The following DPP10 variants were observed in gnomAD, a reference collection of about 807,000 sequenced individuals.
The protein encoded by DPP10 is dipeptidyl peptidase like 10, also known as inactive dipeptidyl peptidase 10.
Under a neutral mutation model 120.9 loss-of-function variants are expected in DPP10, and 33 were observed. The ratio of observed to expected loss-of-function variants is 0.27; its 90% CI spans 0.21 to 0.37. DPP10 has a LOEUF of 0.37. DPP10 is among the 10% of genes least tolerant of loss of function. The probability of loss-of-function intolerance (pLI) is 1.00; values close to 1 mark genes in which losing one functional copy is unlikely to be tolerated. For missense variants in DPP10, 816 were observed against 942.8 expected, an observed-to-expected ratio of 0.87 and a Z score of 1.76; for synonymous variants, 337 against 326.1, an observed-to-expected ratio of 1.03 and a Z score of -0.36.
chr2:114,864,363 C>G (rs1690057099), intron 1 of DPP10, among the ~76,000 whole-genome samples: 1 of 152,164 alleles, frequency 6.6e-6, no homozygotes, highest in Admixed American at 6.5e-5. Flanking sequence ...GTCAGTCTTA[C>G]AACCCTGAAG....
intron 1 of DPP10, among the ~76,000 whole-genome samples, chr2:114,970,989 T>G (rs1574602925): frequency 1.3e-5 from 2 of 152,210 alleles, no homozygotes; most frequent in East Asian, 3.9e-4. Flanking sequence ...TAGTAAGGAA[T>G]AGACAACTCA....
At chr2:114,795,396 C>A (rs2106256139) in intron 1 of DPP10, among the ~76,000 whole-genome samples, 1 of 151,938 alleles carries the variant, frequency 6.6e-6, no homozygotes, top group South Asian at 2.1e-4. Context: ...GAGGCTGAGG[C>A]AGGAGAATCG....
chr2:114,504,665 A>G (rs1415572077), intron 1 of DPP10, among the ~76,000 whole-genome samples: 1 of 152,104 alleles, frequency 6.6e-6, no homozygotes, highest in Non-Finnish European at 1.5e-5. Context: ...TTCTCAACAC[A>G]TGTCATGTAT....
At chr2:115,457,574 A>C (rs1471451281) in intron 3 of DPP10, among the ~76,000 whole-genome samples, 1 of 152,136 alleles carries the variant, frequency 6.6e-6, no homozygotes, top group Non-Finnish European at 1.5e-5. Flanking sequence ...TAATACATAC[A>C]TGGAAAGGTG....
intron 1 of DPP10, among the ~76,000 whole-genome samples, chr2:114,497,328 T>TAC (rs1682718366): frequency 4.7e-5 from 1 of 21,282 alleles, no homozygotes; most frequent in African/African-American, 1.3e-4. Flanking sequence ...TGTATACGTG[T>TAC]ATACATGTAC....
At chr2:114,899,436 C>T (rs1440672569) in intron 1 of DPP10, among the ~76,000 whole-genome samples, 1 of 152,034 alleles carries the variant, frequency 6.6e-6, no homozygotes, top group African/African-American at 2.4e-5. Flanking sequence ...ACCTCAGAAG[C>T]CCTCCATGTG....
chr2:114,782,425 C>G (rs183360946), intron 1 of DPP10, among the ~76,000 whole-genome samples: 1 of 151,712 alleles, frequency 6.6e-6, no homozygotes, highest in Non-Finnish European at 1.5e-5. Flanking sequence ...TACAAAAAGT[C>G]AGAGTGAGAA....
chr2:115,604,999 T>C (rs2083604791), intron 5 of DPP10, among the ~76,000 whole-genome samples: 1 of 152,170 alleles, frequency 6.6e-6, no homozygotes, highest in African/African-American at 2.4e-5. Flanking sequence ...ACTTACTGCA[T>C]AAAGAGAGTT....
chr2:115,129,498 G>T (rs1442530207), intron 1 of DPP10, among the ~76,000 whole-genome samples: 2 of 152,090 alleles, frequency 1.3e-5, no homozygotes, highest in Non-Finnish European at 2.9e-5. Flanking sequence ...AGAGAGCCTT[G>T]TTCTATGCTC....
chr2:114,588,558 T>A (rs1226396902), intron 1 of DPP10, among the ~76,000 whole-genome samples: 2 of 152,174 alleles, frequency 1.3e-5, no homozygotes, highest in Non-Finnish European at 2.9e-5. Flanking sequence ...AGGTGGTGAG[T>A]ATGCTACTTA....
At chr2:114,715,347 A>G (rs938367208) in intron 1 of DPP10, among the ~76,000 whole-genome samples, 10 of 152,178 alleles carry the variant, frequency 6.6e-5, no homozygotes, top group African/African-American at 2.4e-4. Context: ...AGTGGAAGGA[A>G]AACTAATACT....
chr2:114,486,964 T>C (rs1348085110), intron 1 of DPP10, among the ~76,000 whole-genome samples: 2 of 152,198 alleles, frequency 1.3e-5, no homozygotes, highest in Non-Finnish European at 2.9e-5. Context: ...ATTTTACATG[T>C]TGCAATTTAC....
chr2:114,564,970 G>T (rs1689085443), intron 1 of DPP10, among the ~76,000 whole-genome samples: 1 of 152,210 alleles, frequency 6.6e-6, no homozygotes, highest in African/African-American at 2.4e-5. Flanking sequence ...ATCACTTAGA[G>T]TGGTGTGGAC....
chr2:115,001,717 T>G (rs112413753), intron 1 of DPP10, among the ~76,000 whole-genome samples: 3 of 152,176 alleles, frequency 2.0e-5, no homozygotes, highest in African/African-American at 7.2e-5. Flanking sequence ...AAAAGTCAGG[T>G]GCAATTCCAA....
At chr2:114,627,872 G>A (rs1694632929) in intron 1 of DPP10, among the ~76,000 whole-genome samples, 1 of 152,132 alleles carries the variant, frequency 6.6e-6, no homozygotes, top group Non-Finnish European at 1.5e-5. Flanking sequence ...ACAGAGCTGT[G>A]ATGAAGAAAC....
At chr2:114,759,301 G>A (rs1197274575) in intron 1 of DPP10, among the ~76,000 whole-genome samples, 1 of 152,152 alleles carries the variant, frequency 6.6e-6, no homozygotes, top group Non-Finnish European at 1.5e-5. Flanking sequence ...AACAGTGACT[G>A]TCTTTAGATA....
intron 4 of DPP10, among the ~76,000 whole-genome samples, chr2:115,508,894 TTCATC>T (rs1471114752): frequency 6.6e-6 from 1 of 152,090 alleles, no homozygotes; most frequent in Non-Finnish European, 1.5e-5. Flanking sequence ...AGAGCGAGAC[TTCATC>T]TCTAAGTAAA....
chr2:114,752,237 C>G (rs1679300889), intron 1 of DPP10, among the ~76,000 whole-genome samples: 1 of 152,144 alleles, frequency 6.6e-6, no homozygotes, highest in Non-Finnish European at 1.5e-5. Context: ...TGCTGGTTCC[C>G]CCTACTCTCT....
intron 1 of DPP10, among the ~76,000 whole-genome samples, chr2:114,818,140 G>A (rs909763330): frequency 6.6e-6 from 1 of 151,918 alleles, no homozygotes; most frequent in Non-Finnish European, 1.5e-5. Flanking sequence ...GAGAGAGAGA[G>A]AAATTTAACA....
Sources: allele counts gnomAD v4.1 joint callset (sites outside exome capture counted in the v4.1 genomes callset), GRCh38; gene constraint gnomAD v4.1.1; transcripts MANE v1.5; gene names NCBI Gene and HGNC (gene_info 2026-07-23, HGNC 2026-07-21).